The following GALR1 variants were observed in gnomAD, a reference collection of about 807,000 sequenced individuals.
GALR1 encodes the protein galanin receptor type 1.
GALR1 carries 11 observed loss-of-function variants against 17.9 expected under a neutral mutation model. That is an observed-to-expected ratio of 0.62 (90% CI 0.39 to 1.02). The LOEUF (loss-of-function observed/expected upper bound fraction) is 1.02, where lower values mean the gene tolerates loss of function less well. Among genes scored for constraint, GALR1 ranks in the 50% least tolerant of loss-of-function variants. The probability of loss-of-function intolerance (pLI) is 0.01; values close to 1 mark genes in which losing one functional copy is unlikely to be tolerated. For synonymous variants in GALR1, 206 were observed against 205.7 expected, an observed-to-expected ratio of 1.00 and a Z score of -0.01; for missense variants, 441 against 456.9, an observed-to-expected ratio of 0.97 and a Z score of 0.32.
intron 2 of GALR1, among the ~76,000 whole-genome samples, chr18:77,265,737 C>T (rs1453695496): frequency 1.3e-5 from 2 of 152,248 alleles, no homozygotes; most frequent in Non-Finnish European, 2.9e-5. Context: ...GGCCCAACCT[C>T]ATGGGTAAGC....
At chr18:77,265,422 A>G (rs1467464757) in intron 2 of GALR1, among the ~76,000 whole-genome samples, 1 of 152,132 alleles carries the variant, frequency 6.6e-6, no homozygotes, top group Non-Finnish European at 1.5e-5. Context: ...GGCTGCCTTC[A>G]TGGCTGATGT....
Position 77,270,595 on chromosome 18 carries a change from A to T in GALR1, c.*1693A>T, listed in dbSNP as rs1362856861. ...CCTCTGTGCCAAATCAGCACTCCAC[A>T]TGAAACATCAAATTTTAGATAAAAA... On this transcript the variant is annotated 3_prime_UTR_variant, in exon 3 of 3. Transcript: ENST00000299727. 6.6e-6 allele frequency: 1 copy of T among 151,878 alleles called. No individual in the cohort carries two copies. The highest frequency in any genetic ancestry group is 6.6e-5 in the Admixed American group (1 of 15,236). The allele number at this position is 151,878 out of a possible 1,614,324, so 9.4% of individuals were successfully genotyped here.
intron 1 of GALR1, among the ~76,000 whole-genome samples, chr18:77,252,980 T>C (rs201659519): frequency 0.051 from 1,118 of 22,006 alleles, 21 homozygotes; most frequent in Middle Eastern, 0.094. Context: ...ATCACCACCA[T>C]CACCACCATC....
intron 2 of GALR1, among the ~76,000 whole-genome samples, chr18:77,260,591 C>T (rs953917430): frequency 2.6e-5 from 4 of 152,170 alleles, no homozygotes; most frequent in South Asian, 2.1e-4. Flanking sequence ...ATGGTGCCGC[C>T]GTCCATACGG....
chr18:77,252,977 CCAT>C (rs1568139210), intron 1 of GALR1, among the ~76,000 whole-genome samples: 622 of 53,640 alleles, frequency 0.012, 20 homozygotes, highest in African/African-American at 0.025. Context: ...ACCATCACCA[CCAT>C]CACCACCATC....
rs748820545 is a variant in GALR1, at chr18:77,251,159, C to CCA, written c.612_613insAC (p.Phe205ThrfsTer28). The CCA allele has an allele frequency of 1.9e-6, 3 of 1,611,586 alleles. No individual in the cohort carries two copies. The highest frequency in any genetic ancestry group is 1.3e-5 in the African/African-American group (1 of 74,910). On this transcript the variant is annotated frameshift_variant, in exon 1 of 3. Coordinates refer to ENST00000299727, the MANE Select transcript of GALR1 (RefSeq NM_001480.4). LOFTEE classifies it high-confidence loss of function. ...CACAAGAAGGCCTACGTGGTGTGCA[C>CCA]CTTCGTCTTCGGCTACCTGCTGCCG...
intron 2 of GALR1, among the ~76,000 whole-genome samples, chr18:77,258,716 CTGGTGATGG>C (rs1202979157): frequency 3.6e-4 from 4 of 11,122 alleles, no homozygotes; most frequent in African/African-American, 1.1e-3. Flanking sequence ...GATGGTGGTG[CTGGTGATGG>C]TGGTGATGGT....
intron 2 of GALR1, among the ~76,000 whole-genome samples, chr18:77,263,360 G>A (rs1292472921): frequency 3.3e-5 from 5 of 152,118 alleles, no homozygotes; most frequent in Admixed American, 3.3e-4. Context: ...TGTAAAACCC[G>A]TACTTAGATT....
Position 77,273,314 on chromosome 18 carries a change from G to C in GALR1, c.*4412G>C, listed in dbSNP as rs1913097107. On this transcript the variant is annotated 3_prime_UTR_variant, in exon 3 of 3. Coordinates refer to ENST00000299727, the MANE Select transcript of GALR1 (RefSeq NM_001480.4). ...AGGTTTTGTTCTAGGTGCAGAAATA[G>C]TGGGAGAGGCCATAATCGTGAATGA... The C allele has an allele frequency of 6.6e-6, 1 of 152,262 alleles. No homozygotes were observed. The highest frequency in any genetic ancestry group is 2.4e-5 in the African/African-American group (1 of 41,426). 9.4% of individuals were successfully genotyped at this position (152,262 alleles called of 1,614,324 possible).
chr18:77,265,359 A>ATGGCCTTGGGTAGCTCCTCCCC (rs1343349895), intron 2 of GALR1, among the ~76,000 whole-genome samples: 3 of 152,224 alleles, frequency 2.0e-5, no homozygotes, highest in African/African-American at 7.2e-5. Context: ...GTGGGCTCCC[A>ATGGCCTTGGGTAGCTCCTCCCC]TGGCCTTGGG....
chr18:77,258,698 GGTCATGTGATGGTGGTGC>G (rs1568141370), intron 2 of GALR1, among the ~76,000 whole-genome samples: 19 of 12,636 alleles, frequency 1.5e-3, no homozygotes, highest in South Asian at 6.0e-3. Context: ...TGGTGGTGGT[GGTCATGTGATGGTGGTGC>G]TGGTGATGGT....
At chr18:77,258,601 TC>T in intron 2 of GALR1, among the ~76,000 whole-genome samples, 1 of 79,774 alleles carries the variant, frequency 1.3e-5, no homozygotes, top group African/African-American at 4.9e-5. Flanking sequence ...ATGGTGGTGG[TC>T]ATGGTGGTGA....
chr18:77,253,976 T>C (rs947064968), intron 1 of GALR1: 5 of 152,334 alleles, frequency 3.3e-5, no homozygotes, highest in Admixed American at 6.5e-5. Context: ...TCTGCTGCTA[T>C]GGAGCTGTTC....
rs75517573 is a variant in GALR1 at position 77,271,585 on chromosome 18, C to T, written c.*2683C>T. 19,631 of 152,158 alleles carry T rather than the reference C, an allele frequency of 0.13. 1,359 individuals are homozygous for T. Among genetic ancestry groups the T allele is most frequent in the Admixed American group, 0.17 (2,535 of 15,290 alleles). The allele number at this position is 152,158 out of a possible 1,614,324, so 9.4% of individuals were successfully genotyped here. On this transcript the variant is annotated 3_prime_UTR_variant, in exon 3 of 3. Transcript: ENST00000299727. The stretch of plus-strand genomic sequence containing the variant: ...ACCAATTCTGAAGCACCTTCTTTTC[C>T]GTCACTAAATAAAGACAGCTTCCCA...
intron 2 of GALR1, among the ~76,000 whole-genome samples, chr18:77,258,776 A>ATGG (rs374737158): frequency 1.3e-4 from 12 of 92,820 alleles, no homozygotes; most frequent in Admixed American, 5.8e-4. Flanking sequence ...TGTGATAGTG[A>ATGG]TGGTGGTGGT....
intron 2 of GALR1, among the ~76,000 whole-genome samples, chr18:77,258,597 G>GTGATGGTGGTGATGATGGTGGTGATGA (rs1912656681): frequency 6.9e-6 from 1 of 144,458 alleles, no homozygotes; most frequent in Admixed American, 6.9e-5. Context: ...GGTGATGGTG[G>GTGATGGTGGTGATGATGGTGGTGATGA]TGGTCATGGT....
At chr18:77,267,381 C>A (rs1347161080) in intron 2 of GALR1, among the ~76,000 whole-genome samples, 1 of 152,198 alleles carries the variant, frequency 6.6e-6, no homozygotes, top group Non-Finnish European at 1.5e-5. Context: ...CTGTGGGACA[C>A]TGGGCATTTG....
At chr18:77,268,012 T>G (rs1034413989) in intron 2 of GALR1, among the ~76,000 whole-genome samples, 3 of 151,920 alleles carry the variant, frequency 2.0e-5, no homozygotes, top group Non-Finnish European at 4.4e-5. Context: ...AAAGAAAGAG[T>G]TAAAATGAAA....
At position 77,252,115 on chromosome 18, in the gene GALR1, G is replaced by A. The variant is rs1476330464; in HGVS notation, c.666+901G>A. On this transcript the variant is annotated intron_variant, in intron 1 of 2. Transcript: ENST00000299727. ...AGATAGTTTTTCCCTTTGTACAGCC[G>A]GGCAGAGCTCAGCACTCACATTCTT... Among the ~76,000 whole-genome samples, 3 of 152,110 alleles carry A rather than the reference G, an allele frequency of 2.0e-5. No individual in the cohort carries two copies. In the East Asian group the frequency reaches 5.8e-4, roughly 29 times the overall value.
Sources: allele counts gnomAD v4.1 joint callset (sites outside exome capture counted in the v4.1 genomes callset), GRCh38; gene constraint gnomAD v4.1.1; transcripts MANE v1.5; gene names NCBI Gene and HGNC (gene_info 2026-07-23, HGNC 2026-07-21).